Variants in KIRREL1 observed in about 807,000 individuals in gnomAD.
KIRREL1 encodes the protein kin of IRRE-like protein 1.
KIRREL1 carries 25 observed loss-of-function variants against 83.3 expected under a neutral mutation model. The observed-to-expected ratio is 0.30, with a 90% confidence interval of 0.22 to 0.42. The LOEUF (loss-of-function observed/expected upper bound fraction) is 0.42. Among genes scored for constraint, KIRREL1 ranks in the 10% least tolerant of loss-of-function variants. The pLI is 1.00. For missense variants in KIRREL1, 812 were observed against 1,032.3 expected (o/e 0.79, Z 2.92); for synonymous variants, 388 against 410.4 (o/e 0.95, Z 0.66).
At chr1:157,998,495 A>G (rs564262018) in intron 1 of KIRREL1, among the ~76,000 whole-genome samples, 1 of 152,352 alleles carries the variant, frequency 6.6e-6, no homozygotes, top group African/African-American at 2.4e-5. Flanking sequence ...GGCAAATAAA[A>G]AGGTTTGTTT....
At chr1:158,088,652 T>G (rs1662096991) in intron 8 of KIRREL1, among the ~76,000 whole-genome samples, 198 bp downstream of exon 8, 1 of 151,158 alleles carries the variant, frequency 6.6e-6, no homozygotes, top group Admixed American at 6.6e-5. Context: ...GCCCGGCTAA[T>G]TTTTTGTATT....
chr1:158,069,747 C>T (rs949522026), intron 1 of KIRREL1, among the ~76,000 whole-genome samples: 2 of 152,130 alleles, frequency 1.3e-5, no homozygotes, highest in African/African-American at 2.4e-5. Flanking sequence ...GCTCTCTGTC[C>T]GATACTTACC....
intron 1 of KIRREL1, among the ~76,000 whole-genome samples, chr1:158,021,521 CAT>C (rs539339182): frequency 4.5e-4 from 69 of 152,300 alleles, no homozygotes; most frequent in African/African-American, 1.4e-3. Flanking sequence ...TAATCCCTAA[CAT>C]GTGGAAGTTG....
chr1:157,999,583 A>G (rs1192316345), intron 1 of KIRREL1, among the ~76,000 whole-genome samples: 4 of 152,162 alleles, frequency 2.6e-5, no homozygotes, highest in African/African-American at 9.7e-5. Context: ...ATCTGAGGCT[A>G]GAGACATTTC....
chr1:157,999,464 A>G (rs1659295472), intron 1 of KIRREL1, among the ~76,000 whole-genome samples: 1 of 152,218 alleles, frequency 6.6e-6, no homozygotes, highest in Non-Finnish European at 1.5e-5. Flanking sequence ...ATAGATGAGA[A>G]AACAGAGACC....
chr1:158,079,397 G>T (rs1444153362), intron 3 of KIRREL1, among the ~76,000 whole-genome samples: 1 of 152,206 alleles, frequency 6.6e-6, no homozygotes, highest in African/African-American at 2.4e-5. Context: ...TCGGCTCACT[G>T]TAATCTCCAC....
intron 1 of KIRREL1, among the ~76,000 whole-genome samples, chr1:158,011,712 G>A (rs1455093702): frequency 1.3e-5 from 2 of 152,222 alleles, no homozygotes; most frequent in African/African-American, 4.8e-5. Context: ...TAAGGTGAAG[G>A]AGGGAACCAG....
chr1:158,003,076 T>G (rs564575530), intron 1 of KIRREL1, among the ~76,000 whole-genome samples: 116 of 152,328 alleles, frequency 7.6e-4, no homozygotes, highest in African/African-American at 2.6e-3. Context: ...TAGCTGAGTT[T>G]TTTTTATTAT....
intron 1 of KIRREL1, among the ~76,000 whole-genome samples, chr1:158,057,215 GC>G (rs1661090257): frequency 1.3e-5 from 2 of 152,090 alleles, no homozygotes; most frequent in South Asian, 4.2e-4. Context: ...CCTCCACTCA[GC>G]TTTATTTGGG....
chr1:157,996,369 C>T (rs531989626), intron 1 of KIRREL1, among the ~76,000 whole-genome samples: 3 of 151,854 alleles, frequency 2.0e-5, no homozygotes, highest in East Asian at 1.9e-4. Context: ...TCCCTAGTCT[C>T]GGGGAGGAGA....
At chr1:158,041,595 C>T (rs1660629348) in intron 1 of KIRREL1, among the ~76,000 whole-genome samples, 1 of 152,206 alleles carries the variant, frequency 6.6e-6, no homozygotes, top group Non-Finnish European at 1.5e-5. Context: ...CTGAGCCTCA[C>T]TTCTCCTTAT....
chr1:158,006,105 T>C (rs1659512559), intron 1 of KIRREL1, among the ~76,000 whole-genome samples: 1 of 152,222 alleles, frequency 6.6e-6, no homozygotes. Context: ...ATTGGGCTTC[T>C]TGGAACACAG....
At chr1:158,060,229 A>T (rs1024318503) in intron 1 of KIRREL1, among the ~76,000 whole-genome samples, 18 of 152,144 alleles carry the variant, frequency 1.2e-4, no homozygotes, top group African/African-American at 4.3e-4. Flanking sequence ...ATTCCTGGGC[A>T]GGGTTCTGAT....
At chr1:158,068,025 TG>T (rs1171488907) in intron 1 of KIRREL1, among the ~76,000 whole-genome samples, 1 of 152,066 alleles carries the variant, frequency 6.6e-6, no homozygotes, top group African/African-American at 2.4e-5. Flanking sequence ...CCAAGCTGCT[TG>T]GATGAGGGAG....
At chr1:158,036,691 C>G (rs1660484753) in intron 1 of KIRREL1, among the ~76,000 whole-genome samples, 1 of 152,178 alleles carries the variant, frequency 6.6e-6, no homozygotes, top group Non-Finnish European at 1.5e-5. Flanking sequence ...TCTCGGTCAG[C>G]TCACTGGGTC....
At chr1:158,069,052 C>G (rs1002412559) in intron 1 of KIRREL1, among the ~76,000 whole-genome samples, 3 of 152,132 alleles carry the variant, frequency 2.0e-5, no homozygotes, top group African/African-American at 7.2e-5. Flanking sequence ...CTACTTCTGC[C>G]GCCTGGTCCC....
At chr1:158,076,419 C>T (rs1485656489) in intron 2 of KIRREL1, among the ~76,000 whole-genome samples, 157 bp downstream of exon 2, 1 of 152,234 alleles carries the variant, frequency 6.6e-6, no homozygotes, top group Non-Finnish European at 1.5e-5. Context: ...TCCATTTCTA[C>T]AGCTTTCCCA....
chr1:158,019,649 G>T (rs899844957), intron 1 of KIRREL1, among the ~76,000 whole-genome samples: 1 of 152,174 alleles, frequency 6.6e-6, no homozygotes, highest in African/African-American at 2.4e-5. Flanking sequence ...CTAATTGCTA[G>T]GTCTCTCTCA....
At chr1:158,014,211 A>G (rs1659762573) in intron 1 of KIRREL1, among the ~76,000 whole-genome samples, 1 of 151,980 alleles carries the variant, frequency 6.6e-6, no homozygotes, top group Non-Finnish European at 1.5e-5. Flanking sequence ...AGAGTAAGAG[A>G]GAAAAAGGAG....
Sources: gnomAD v4.1 joint callset for allele counts (sites outside exome capture counted in the v4.1 genomes callset) on GRCh38, gnomAD v4.1.1 for gene constraint, MANE v1.5 for transcripts, NCBI Gene and HGNC (gene_info 2026-07-23, HGNC 2026-07-21) for gene names.